BAZ2A: variants seen among roughly 807,000 people sequenced by gnomAD.
BAZ2A encodes the protein bromodomain adjacent to zinc finger domain 2A, also known as bromodomain adjacent to zinc finger domain protein 2A.
Under a neutral mutation model 199.9 loss-of-function variants are expected in BAZ2A, and 34 were observed. The observed-to-expected ratio is 0.17, with a 90% CI of 0.13 to 0.23. BAZ2A has a LOEUF of 0.23. BAZ2A is among the 10% of genes least tolerant of loss of function. BAZ2A has a pLI of 1.00. For synonymous variants in BAZ2A, 857 were observed against 883.9 expected (o/e 0.97, Z 0.54); for missense variants, 2,002 against 2,391.1 (o/e 0.84, Z 3.39).
rs996772120 is a variant in BAZ2A at position 56,601,089 on chromosome 12, G to A, written c.4304C>T (p.Ser1435Leu). The A allele has an allele frequency of 4.3e-6, 7 of 1,613,310 alleles. No homozygotes were observed. The highest frequency in any genetic ancestry group is 5.1e-6 in the Non-Finnish European group (6 of 1,179,576). The change falls in exon 22 of 29, where the codon TCA becomes TTA. Residue 1435 changes from serine to leucine, a missense_variant. Physicochemically the swap from Ser to Leu is moderately radical, Grantham distance 145 (BLOSUM62 -2). Coordinates refer to ENST00000549884, the MANE Select transcript of BAZ2A (RefSeq NM_001300905.2). ...TAQPVPPEMC[S>L]GWWWIRDPEM... ...AGGATCTCGTATCCACCACCAGCCT[G>A]AGCACATCTCTGTGAGCAGATGAGA...
chr12:56,632,275 G>A (rs1951332937), upstream of BAZ2A, among the ~76,000 whole-genome samples: 1 of 152,164 alleles, frequency 6.6e-6, no homozygotes, highest in South Asian at 2.1e-4. Flanking sequence ...ATTAAGGCAG[G>A]TGAAGAAAGG....
intron 1 of BAZ2A, among the ~76,000 whole-genome samples, chr12:56,620,519 A>AAAAC (rs201442015): frequency 0.015 from 2,339 of 151,828 alleles, 30 homozygotes; most frequent in Non-Finnish European, 0.023. Flanking sequence ...AAAACAAAAC[A>AAAAC]AAACAAACAA....
At chr12:56,625,007 A>G (rs1007969410) in intron 1 of BAZ2A, among the ~76,000 whole-genome samples, 1 of 152,220 alleles carries the variant, frequency 6.6e-6, no homozygotes, top group Non-Finnish European at 1.5e-5. Flanking sequence ...TAAAGAAACT[A>G]CAGGTTAAGT....
intron 9 of BAZ2A, 65 bp from the exon 10 acceptor site, chr12:56,610,011 C>A (rs1165907352): frequency 6.2e-7 from 1 of 1,601,590 alleles, no homozygotes; most frequent in African/African-American, 1.3e-5. Context: ...GCCCTCGGAA[C>A]CATTCAATGC....
rs118040271 is a variant in BAZ2A at position 56,607,159 on chromosome 12, T to C, written c.2093-426A>G. On this transcript the variant is annotated intron_variant, in intron 10 of 28. Transcript: ENST00000549884. Reference sequence around the variant, plus strand: ...CCAAACTGCCAGGGAAAGAGGGTAGTAGTTAGAAGCACTGATTAACCAAGG... The same window carrying C: ...CCAAACTGCCAGGGAAAGAGGGTAGCAGTTAGAAGCACTGATTAACCAAGG... Among the ~76,000 whole-genome samples the C allele has an allele frequency of 1.2e-3, 190 of 152,102 alleles. 4 individuals are homozygous for C. In the East Asian group the frequency reaches 0.013, roughly 11 times the overall value.
At chr12:56,633,165 C>T (rs1341029478), upstream of BAZ2A, among the ~76,000 whole-genome samples, 1 of 152,122 alleles carries the variant, frequency 6.6e-6, no homozygotes, top group African/African-American at 2.4e-5. Flanking sequence ...TCCCTGTGTT[C>T]CTGCAGCACC....
upstream of BAZ2A, among the ~76,000 whole-genome samples, chr12:56,632,467 G>A (rs1234500859): frequency 6.6e-6 from 1 of 152,032 alleles, no homozygotes; most frequent in African/African-American, 2.4e-5. Context: ...CCCGTCAGAC[G>A]GGTGTAGCCA....
chr12:56,602,479 A>G (rs1018916463), intron 19 of BAZ2A, among the ~76,000 whole-genome samples: 1 of 152,256 alleles, frequency 6.6e-6, no homozygotes, highest in Non-Finnish European at 1.5e-5. Context: ...TCCTCTCAGT[A>G]GCCTTATGAA....
At chr12:56,620,787 C>G (rs547588083) in intron 1 of BAZ2A, among the ~76,000 whole-genome samples, 30 of 152,204 alleles carry the variant, frequency 2.0e-4, no homozygotes, top group African/African-American at 7.0e-4. Context: ...TCTTGAATTC[C>G]TGACCTCAAG....
Position 56,605,842 on chromosome 12 carries a change from C to G in BAZ2A, c.2481G>C (p.Leu827=). 1 of 1,609,646 alleles carries G rather than the reference C, an allele frequency of 6.2e-7. No individual in the cohort carries two copies. Among genetic ancestry groups the G allele is most frequent in the Non-Finnish European group, 8.5e-7 (1 of 1,177,982 alleles). Residue 827 remains leucine (L), a synonymous_variant, in exon 13 of 29, where the codon CTG becomes CTC. Coordinates refer to ENST00000549884, the MANE Select transcript of BAZ2A (RefSeq NM_001300905.2). ...EMKKPTEDMC[L]TDHQPLPDFS... ...CTCTCCTCACTACCTGGTGGTCAGTCAGACACATATCCTCTGTCGGCTTCT... is the reference window on the plus strand; with the variant it reads ...CTCTCCTCACTACCTGGTGGTCAGTGAGACACATATCCTCTGTCGGCTTCT...
At chr12:56,636,135 G>A in intron 1 of BAZ2A, 1 of 1,560,344 alleles carries the variant, frequency 6.4e-7, no homozygotes, top group Non-Finnish European at 8.7e-7. Flanking sequence ...GCCAGGGAGG[G>A]AGTAGGCATC....
intron 1 of BAZ2A, among the ~76,000 whole-genome samples, chr12:56,621,386 G>T (rs529367732): frequency 1.3e-5 from 2 of 151,966 alleles, no homozygotes; most frequent in Non-Finnish European, 2.9e-5. Context: ...TGTCTCTTCT[G>T]AACTGTCATC....
In BAZ2A at chr12:56,603,542, C is replaced by T. The variant is rs535118194; in HGVS notation, c.3197G>A (p.Arg1066His). 31 of 1,613,916 alleles carry T rather than the reference C, an allele frequency of 1.9e-5. No homozygotes were observed. Among genetic ancestry groups the T allele is most frequent in the African/African-American group, 1.6e-4 (12 of 74,920 alleles). Reference sequence around the variant, plus strand: ...TACCTCTCCATCTCTTCGACCCCTGCGGCCAGGGACAGCTGCTATAGACTC... The same window carrying T: ...TACCTCTCCATCTCTTCGACCCCTGTGGCCAGGGACAGCTGCTATAGACTC... The part of the protein sequence containing the change: ...EEESIAAVPG[R>H]RGRRDGEVDA... The change falls in exon 17 of 29, where the codon CGC becomes CAC. Residue 1066 changes from arginine (R) to histidine (H), a missense_variant. Around this residue, in one of 6 missense-constraint regions of BAZ2A, gnomAD observed 1,081 missense variants for 1,274.7 expected, o/e 0.85. Coordinates refer to ENST00000549884, the MANE Select transcript of BAZ2A (RefSeq NM_001300905.2).
chr12:56,606,693 G>T lies in BAZ2A; in HGVS notation c.2133C>A (p.Ser711Arg). 6.2e-7 allele frequency: 1 copy of T among 1,613,798 alleles called. No individual in the cohort carries two copies. The highest frequency in any genetic ancestry group is 8.5e-7 in the Non-Finnish European group (1 of 1,179,872). Residue 711 changes from serine (S) to arginine (R), a missense_variant, in exon 11 of 29, where the codon AGC (serine) becomes AGA (arginine). Physicochemically the swap from Ser to Arg is moderately radical, Grantham distance 110. Coordinates refer to ENST00000549884, the MANE Select transcript of BAZ2A (RefSeq NM_001300905.2). ...GAACCTTCTGCCTCATCTTCTTCTT[G>T]CTTTTAGCAATCTTTGCTTTATCCT... Reference protein sequence around the residue: ...NEEDKAKIAKSKKKMRQKVQR... With the variant: ...NEEDKAKIAKRKKKMRQKVQR...
chr12:56,629,818 C>G (rs569058951), intron 1 of BAZ2A, among the ~76,000 whole-genome samples: 1 of 151,918 alleles, frequency 6.6e-6, no homozygotes, highest in South Asian at 2.1e-4. Flanking sequence ...AAGTCCCCCA[C>G]AGGAGTCATC....
intron 4 of BAZ2A, among the ~76,000 whole-genome samples, chr12:56,613,677 A>G (rs1211352849): frequency 6.6e-6 from 1 of 152,236 alleles, no homozygotes; most frequent in Non-Finnish European, 1.5e-5. Flanking sequence ...AGAAAGATCA[A>G]CTGTGTGATA....
chr12:56,611,685 AT>A, intron 6 of BAZ2A, 52 bp from the exon 7 acceptor site: 1 of 1,552,872 alleles, frequency 6.4e-7, no homozygotes, highest in Middle Eastern at 1.7e-4. Flanking sequence ...TATTTAAACA[AT>A]AGGCCAATAG....
chr12:56,602,925 T>C (rs1438465722), intron 18 of BAZ2A, 68 bp from the exon 19 acceptor site: 4 of 1,501,202 alleles, frequency 2.7e-6, no homozygotes, highest in Non-Finnish European at 3.6e-6. Context: ...ATTCATCCAG[T>C]ATATCAGAGA....
chr12:56,599,189 G>A lies in BAZ2A; in HGVS notation c.5342C>T (p.Ser1781Phe), dbSNP rs1466169860. The change falls in exon 27 of 29, where the codon TCC (serine) becomes TTC (phenylalanine). Residue 1781 changes from serine (S) to phenylalanine (F), a missense_variant. Physicochemically the swap from Ser to Phe is radical, Grantham distance 155 (BLOSUM62 -2). Around this residue, in one of 6 missense-constraint regions of BAZ2A, gnomAD observed 122 missense variants for 123.0 expected, o/e 0.99. Coordinates refer to ENST00000549884, the MANE Select transcript of BAZ2A (RefSeq NM_001300905.2). ...AGAGAGTCGCCGCCGCTTGGAGGGG[G>A]AGAGCCCTTCTTCCGAGTACCGAGG... ...AGPRYSEEGL[S>F]PSKRRRLSMR... is the part of the protein sequence containing the mutation. 10 of 1,613,370 alleles carry A rather than the reference G, an allele frequency of 6.2e-6. No individual in the cohort carries two copies. Among genetic ancestry groups the A allele is most frequent in the Admixed American group, 1.7e-5 (1 of 59,950 alleles).
Sources: allele counts gnomAD v4.1 joint callset (sites outside exome capture counted in the v4.1 genomes callset), GRCh38; gene constraint gnomAD v4.1.1; regional missense constraint gnomAD v4.1.1; transcripts MANE v1.5; gene names NCBI Gene and HGNC (gene_info 2026-07-23, HGNC 2026-07-21).